DACH2: variants seen among roughly 807,000 people sequenced by gnomAD.
The protein encoded by DACH2 is dachshund homolog 2.
A neutral mutation model predicts 35.8 loss-of-function variants in DACH2; 17 were observed. That is an observed-to-expected ratio of 0.48 (90% CI 0.33 to 0.71). DACH2 has a LOEUF of 0.71. DACH2 is among the 30% of genes least tolerant of loss of function. The pLI, the probability that DACH2 is intolerant of heterozygous loss-of-function variation, is 0.02. For missense variants in DACH2, 469 were observed against 472.7 expected, an observed-to-expected ratio of 0.99 and a Z score of 0.07; for synonymous variants, 195 against 177.3, an observed-to-expected ratio of 1.10 and a Z score of -0.79.
chrX:86,328,546 G>C (rs1295086886), intron 1 of DACH2, among the ~76,000 whole-genome samples: 1 of 111,561 alleles, frequency 9.0e-6, no homozygotes, highest in Non-Finnish European at 1.9e-5. Context: ...GGAACAAAAT[G>C]ATCTGAATAT....
At chrX:86,461,017 CTT>C (rs1323372971) in intron 2 of DACH2, among the ~76,000 whole-genome samples, 9 of 111,105 alleles carry the variant, frequency 8.1e-5, no homozygotes, top group Non-Finnish European at 1.7e-4. Flanking sequence ...CTATTTTTAA[CTT>C]TGTGAAATAA....
chrX:86,292,541 C>A (rs1404819208), intron 1 of DACH2, among the ~76,000 whole-genome samples: 4 of 110,740 alleles, frequency 3.6e-5, no homozygotes, highest in Non-Finnish European at 5.7e-5. Flanking sequence ...TGGATCTTTC[C>A]TGTTTTCTCT....
chrX:86,657,161 C>A (rs2040552813), intron 4 of DACH2, among the ~76,000 whole-genome samples: 1 of 108,193 alleles, frequency 9.2e-6, no homozygotes, highest in Admixed American at 1.0e-4. Flanking sequence ...ATGAATAAAA[C>A]CTAGTATGTG....
In DACH2 at chrX:86,237,817, C is replaced by A. The variant is rs186153532; in HGVS notation, c.488+88709C>A. On this transcript the variant is annotated intron_variant, in intron 1 of 11. Coordinates refer to ENST00000373125, the MANE Select transcript of DACH2 (RefSeq NM_053281.3). ...GAGGCTGTGGCTGAACCAGGCCTAA[C>A]CACAAGCAGCTTTCATGGCTGACAC... is the stretch of plus-strand genomic sequence containing the variant. Among the ~76,000 whole-genome samples, 801 of 111,957 alleles carry A rather than the reference C, an allele frequency of 7.2e-3. 7 individuals carry two copies. The highest frequency in any genetic ancestry group is 0.025 in the African/African-American group (757 of 30,807).
At chrX:86,617,004 C>T (rs969912050) in intron 3 of DACH2, among the ~76,000 whole-genome samples, 11 of 112,137 alleles carry the variant, frequency 9.8e-5, no homozygotes, top group African/African-American at 3.2e-4. Flanking sequence ...TATCGCAGCA[C>T]CAATCATTCA....
chrX:86,562,584 A>G (rs1273763860), intron 3 of DACH2, among the ~76,000 whole-genome samples: 1 of 111,749 alleles, frequency 8.9e-6, no homozygotes, highest in Non-Finnish European at 1.9e-5. Context: ...GTATACACAT[A>G]TAATACATAC....
chrX:86,334,320 T>G (rs770802752), intron 1 of DACH2, among the ~76,000 whole-genome samples: 18 of 112,116 alleles, frequency 1.6e-4, no homozygotes, highest in Non-Finnish European at 3.2e-4. Context: ...TTTAGATCCT[T>G]GAGGAATTGC....
chrX:86,647,823 G>A (rs914574917), intron 3 of DACH2, among the ~76,000 whole-genome samples: 3 of 110,619 alleles, frequency 2.7e-5, no homozygotes, highest in African/African-American at 9.8e-5. Flanking sequence ...TATATTTACA[G>A]CTTTTTGTAT....
At chrX:86,655,802 T>C (rs1442814886) in intron 4 of DACH2, among the ~76,000 whole-genome samples, 1 of 111,281 alleles carries the variant, frequency 9.0e-6, no homozygotes, top group Middle Eastern at 4.7e-3. Flanking sequence ...AGAAGAACTG[T>C]GACAATATAG....
At chrX:86,746,782 C>T (rs1171677179) in intron 7 of DACH2, among the ~76,000 whole-genome samples, 1 of 110,836 alleles carries the variant, frequency 9.0e-6, no homozygotes, top group Non-Finnish European at 1.9e-5. Flanking sequence ...TCATAAAGAT[C>T]AATTTATCTA....
At chrX:86,812,371 G>A (rs1392055125) in intron 7 of DACH2, among the ~76,000 whole-genome samples, 4 of 111,098 alleles carry the variant, frequency 3.6e-5, no homozygotes, top group Non-Finnish European at 7.6e-5. Flanking sequence ...ATAGGTTTGT[G>A]GTAATGATTA....
intron 7 of DACH2, among the ~76,000 whole-genome samples, chrX:86,752,912 G>GA (rs2041789561): frequency 9.0e-6 from 1 of 111,065 alleles, no homozygotes; most frequent in South Asian, 3.8e-4. Context: ...GAACTTATTA[G>GA]AACAGTTGTA....
intron 1 of DACH2, among the ~76,000 whole-genome samples, chrX:86,289,032 C>A (rs1377619791): frequency 9.1e-6 from 1 of 110,368 alleles, no homozygotes; most frequent in African/African-American, 3.3e-5. Context: ...GTCTCACAGC[C>A]CTTGATGTAG....
chrX:86,379,710 A>T (rs770778803), intron 2 of DACH2, among the ~76,000 whole-genome samples: 103 of 111,222 alleles, frequency 9.3e-4, no homozygotes, highest in African/African-American at 3.0e-3. Context: ...ACTAGAAAAA[A>T]ATCTCATTCC....
intron 1 of DACH2, among the ~76,000 whole-genome samples, chrX:86,283,471 A>ATTTG (rs1413354274): frequency 3.0e-4 from 34 of 111,549 alleles, no homozygotes; most frequent in African/African-American, 1.1e-3. Flanking sequence ...AAGACTCAGA[A>ATTTG]CCAACCCAAA....
intron 1 of DACH2, among the ~76,000 whole-genome samples, chrX:86,293,294 A>T (rs761528461): frequency 9.1e-6 from 1 of 109,736 alleles, no homozygotes; most frequent in African/African-American, 3.3e-5. Context: ...ATCCTCCTCC[A>T]TCCTTTTATT....
chrX:86,585,190 C>T (rs1321466148), intron 3 of DACH2, among the ~76,000 whole-genome samples: 1 of 110,669 alleles, frequency 9.0e-6, no homozygotes, highest in African/African-American at 3.3e-5. Context: ...ACTGCTGGGT[C>T]CAATGATAGT....
chrX:86,759,290 C>A (rs1191828638), intron 7 of DACH2, among the ~76,000 whole-genome samples: 1 of 111,722 alleles, frequency 9.0e-6, no homozygotes, highest in African/African-American at 3.2e-5. Flanking sequence ...TATCTGGGTT[C>A]TCTGGTATTG....
At chrX:86,169,342 T>G (rs142594838) in intron 1 of DACH2, among the ~76,000 whole-genome samples, 2,407 of 111,311 alleles carry the variant, frequency 0.022, 83 homozygotes, top group African/African-American at 0.075. Context: ...CCTTTGGGAG[T>G]TTGATTATTA....
Sources: allele counts gnomAD v4.1 joint callset (sites outside exome capture counted in the v4.1 genomes callset), GRCh38; gene constraint gnomAD v4.1.1; transcripts MANE v1.5; gene names NCBI Gene and HGNC (gene_info 2026-07-23, HGNC 2026-07-21).